Variants in UGT1A8 observed in about 807,000 individuals in gnomAD.
UGT1A8 encodes the protein UDP-glucuronosyltransferase 1A8.
A neutral mutation model predicts 45.3 loss-of-function variants in UGT1A8; 39 were observed. The ratio of observed to expected loss-of-function variants is 0.86; its 90% CI spans 0.67 to 1.12. UGT1A8 has a LOEUF of 1.12. UGT1A8 is among the 50% of genes most tolerant of loss of function. UGT1A8 has a pLI of 0.00. For missense variants in UGT1A8, 719 were observed against 664.9 expected (o/e 1.08, Z -0.90); for synonymous variants, 275 against 249.2 (o/e 1.10, Z -0.97).
chr2:233,654,268 G>T (rs1269988133), intron 1 of UGT1A8, among the ~76,000 whole-genome samples: 2 of 152,198 alleles, frequency 1.3e-5, no homozygotes, highest in Non-Finnish European at 2.9e-5. Context: ...CTGTTAGAGA[G>T]TTTAGATTTC....
At chr2:233,747,789 T>C in intron 1 of UGT1A8, 4 of 1,613,572 alleles carry the variant, frequency 2.5e-6, no homozygotes, top group East Asian at 2.2e-5. Context: ...TCCTTCCTCC[T>C]ATATTCCTAA....
At chr2:233,753,025 C>CA in intron 1 of UGT1A8, among the ~76,000 whole-genome samples, 1 of 152,200 alleles carries the variant, frequency 6.6e-6, no homozygotes, top group East Asian at 1.9e-4. Context: ...ATTTACAACA[C>CA]AAAAAACTAC....
intron 1 of UGT1A8, chr2:233,760,697 T>C (rs1697532735): frequency 6.2e-7 from 1 of 1,614,264 alleles, no homozygotes; most frequent in Non-Finnish European, 8.5e-7. Context: ...AAGGAGCTCA[T>C]GGCCTCCCTG....
chr2:233,627,559 A>G (rs558275753), intron 1 of UGT1A8, among the ~76,000 whole-genome samples: 53 of 152,152 alleles, frequency 3.5e-4, no homozygotes, highest in Non-Finnish European at 6.6e-4. Context: ...AAAAAAATGC[A>G]AGGTTTGGCT....
chr2:233,728,202 T>G (rs2077690162), intron 1 of UGT1A8, among the ~76,000 whole-genome samples: 1 of 152,206 alleles, frequency 6.6e-6, no homozygotes, highest in Non-Finnish European at 1.5e-5. Context: ...CTGGATTGAC[T>G]TGGAGAAGAG....
At chr2:233,755,961 C>T (rs1443749544) in intron 1 of UGT1A8, 1 of 152,160 alleles carries the variant, frequency 6.6e-6, no homozygotes, top group Non-Finnish European at 1.5e-5. Flanking sequence ...TAGTACTTGG[C>T]TCTATAGAGA....
At chr2:233,737,246 C>G (rs535872842) in intron 1 of UGT1A8, among the ~76,000 whole-genome samples, 2 of 152,238 alleles carry the variant, frequency 1.3e-5, no homozygotes, top group Non-Finnish European at 2.9e-5. Flanking sequence ...TGTTTACCTA[C>G]TCAAGCCTCA....
At chr2:233,756,094 T>C (rs908379674) in intron 1 of UGT1A8, 2 of 152,220 alleles carry the variant, frequency 1.3e-5, no homozygotes, top group African/African-American at 4.8e-5. Flanking sequence ...CAAGTAACAT[T>C]ATTACGGAAA....
At chr2:233,689,828 C>CT in intron 1 of UGT1A8, 1 of 451,876 alleles carries the variant, frequency 2.2e-6, no homozygotes, top group Non-Finnish European at 4.4e-6. Context: ...TCTCTGGACT[C>CT]TAACTTTCTT....
chr2:233,719,557 T>G, intron 1 of UGT1A8: 5 of 1,613,868 alleles, frequency 3.1e-6, no homozygotes, highest in Non-Finnish European at 4.2e-6. Flanking sequence ...GTGTCAGTGG[T>G]GGATCTTGTC....
At chr2:233,713,501 G>A (rs771192795) in intron 1 of UGT1A8, 5 of 1,613,952 alleles carry the variant, frequency 3.1e-6, no homozygotes, top group Admixed American at 1.7e-5. Context: ...TTCCTGCTGT[G>A]TTTTTCTTGA....
At chr2:233,747,122 G>A in intron 1 of UGT1A8, 1 of 1,481,738 alleles carries the variant, frequency 6.7e-7, no homozygotes, top group Non-Finnish European at 9.1e-7. Flanking sequence ...GATTTGCTAA[G>A]TGGCTCAGTG....
chr2:233,701,495 T>C (rs1430825762), intron 1 of UGT1A8, among the ~76,000 whole-genome samples: 1 of 152,142 alleles, frequency 6.6e-6, no homozygotes, highest in Non-Finnish European at 1.5e-5. Flanking sequence ...CAAGCGGACC[T>C]AATAGACATC....
At chr2:233,768,164 C>A in intron 3 of UGT1A8, 56 bp from the exon 4 acceptor site, 1 of 1,613,412 alleles carries the variant, frequency 6.2e-7, no homozygotes, top group South Asian at 1.1e-5. Context: ...CTAGATGTGT[C>A]CAGCTGTGAA....
At position 233,761,104 on chromosome 2, in the gene UGT1A8, G is replaced by T. The variant is rs143072292; in HGVS notation, c.856-5930G>T. On this transcript the variant is annotated intron_variant, in intron 1 of 4. Transcript: ENST00000373450. Reference sequence around the variant, plus strand: ...CCCTAGGCCCATCATGCCCAATATGGTTTTTGTTGGTGGAATCAACTGCCT... The same window carrying T: ...CCCTAGGCCCATCATGCCCAATATGTTTTTTGTTGGTGGAATCAACTGCCT... 1.9e-6 allele frequency: 3 copies of T among 1,614,078 alleles called. No homozygotes were observed. In the African/African-American group the frequency reaches 4.0e-5, roughly 22 times the overall value.
intron 1 of UGT1A8, among the ~76,000 whole-genome samples, chr2:233,668,723 A>G (rs1385868239): frequency 6.6e-6 from 1 of 152,180 alleles, no homozygotes; most frequent in East Asian, 1.9e-4. Flanking sequence ...ACCTATGTAC[A>G]TTTATCACAA....
intron 1 of UGT1A8, chr2:233,672,641 A>C: frequency 6.2e-7 from 1 of 1,613,938 alleles, no homozygotes; most frequent in Non-Finnish European, 8.5e-7. Context: ...GAAATTCTCC[A>C]AACACCTGTT....
intron 1 of UGT1A8, among the ~76,000 whole-genome samples, chr2:233,706,175 G>C (rs1323395610): frequency 6.6e-6 from 1 of 152,214 alleles, no homozygotes; most frequent in African/African-American, 2.4e-5. Context: ...GGAATGTGGT[G>C]TGTCTGCCCA....
At chr2:233,663,175 G>T (rs2074009382) in intron 1 of UGT1A8, among the ~76,000 whole-genome samples, 1 of 152,094 alleles carries the variant, frequency 6.6e-6, no homozygotes, top group Non-Finnish European at 1.5e-5. Flanking sequence ...ACCACCCGGG[G>T]GATTCACCTT....
Sources: allele counts gnomAD v4.1 joint callset (sites outside exome capture counted in the v4.1 genomes callset), GRCh38; gene constraint gnomAD v4.1.1; transcripts MANE v1.5; gene names NCBI Gene and HGNC (gene_info 2026-07-23, HGNC 2026-07-21).